GRIP1: variants seen among roughly 807,000 people sequenced by gnomAD.
GRIP1 encodes glutamate receptor interacting protein 1, also known as glutamate receptor-interacting protein 1.
A neutral mutation model predicts 129.9 loss-of-function variants in GRIP1; 45 were observed. The observed-to-expected ratio is 0.35, with a 90% CI of 0.27 to 0.44. The LOEUF (loss-of-function observed/expected upper bound fraction) is 0.44. GRIP1 is among the 20% of genes least tolerant of loss of function. The probability of loss-of-function intolerance (pLI) is 1.00; values close to 1 mark genes in which losing one functional copy is unlikely to be tolerated. For missense variants in GRIP1, 1,196 were observed against 1,396.8 expected, an observed-to-expected ratio of 0.86 and a Z score of 2.29; for synonymous variants, 530 against 520.8, an observed-to-expected ratio of 1.02 and a Z score of -0.24.
At chr12:66,452,324 T>C (rs2058831318) in intron 11 of GRIP1, among the ~76,000 whole-genome samples, 2 of 152,206 alleles carry the variant, frequency 1.3e-5, no homozygotes, top group South Asian at 2.1e-4. Flanking sequence ...CTCTATGACA[T>C]GGCTTGGCAA....
intron 23 of GRIP1, among the ~76,000 whole-genome samples, chr12:66,357,420 T>C (rs1336978563): frequency 6.6e-6 from 1 of 152,156 alleles, no homozygotes; most frequent in East Asian, 1.9e-4. Context: ...AGCTTTGAGG[T>C]GGGGACTGGG....
Position 66,465,365 on chromosome 12 carries a change from G to A in GRIP1, c.782C>T (p.Ala261Val), listed in dbSNP as rs2059258521. The A allele has an allele frequency of 1.2e-6, 2 of 1,613,656 alleles. No homozygotes were observed. Among genetic ancestry groups the A allele is most frequent in the Non-Finnish European group, 8.5e-7 (1 of 1,179,656 alleles). The change falls in exon 8 of 25, where the codon GCC (alanine) becomes GTC (valine). Residue 261 changes from alanine (A) to valine (V), a missense_variant. Coordinates refer to ENST00000359742, the MANE Select transcript of GRIP1 (RefSeq NM_001366722.1). ...LLVEVAKTPGASLGVALTTSM... is the reference protein window; with the variant it reads ...LLVEVAKTPGVSLGVALTTSM... ...GGTAGTTAGGGCAACCCCAAGGCTG[G>A]CACCAGGAGTTTTGGCAACTTCGAC... is the stretch of plus-strand genomic sequence containing the variant.
chr12:66,427,514 G>A (rs1056080201), intron 14 of GRIP1, among the ~76,000 whole-genome samples: 1 of 152,118 alleles, frequency 6.6e-6, no homozygotes, highest in African/African-American at 2.4e-5. Flanking sequence ...ATACAATACT[G>A]AGAACTTAAA....
intron 4 of GRIP1, among the ~76,000 whole-genome samples, chr12:66,533,762 T>C (rs1266142237): frequency 6.6e-6 from 1 of 152,166 alleles, no homozygotes; most frequent in Admixed American, 6.5e-5. Flanking sequence ...AGAGCTTATA[T>C]AGACCAATCA....
At chr12:67,007,670 A>G (rs778044636) in intron 1 of GRIP1, among the ~76,000 whole-genome samples, 1 of 152,182 alleles carries the variant, frequency 6.6e-6, no homozygotes, top group Non-Finnish European at 1.5e-5. Context: ...ATTATCAGTC[A>G]TATGTCACTT....
At chr12:66,579,990 T>G (rs2139598701) in intron 2 of GRIP1, among the ~76,000 whole-genome samples, 1 of 147,576 alleles carries the variant, frequency 6.8e-6, no homozygotes, top group East Asian at 2.0e-4. Flanking sequence ...GGAAAAAATG[T>G]TAAGGGCAGC....
rs972089925 is a variant in GRIP1 at position 66,823,095 on chromosome 12, G to T, written c.59-226168C>A. On this transcript the variant is annotated intron_variant, in intron 1 of 1. Transcript: ENST00000643019. ...TTAGTTCCAGCAAACCCTACTAACTGCATGACCTTGTGCAACTTAACCTCT... is the reference window on the plus strand; with the variant it reads ...TTAGTTCCAGCAAACCCTACTAACTTCATGACCTTGTGCAACTTAACCTCT... Among the ~76,000 whole-genome samples, 3 of 152,162 alleles carry T rather than the reference G, an allele frequency of 2.0e-5. No homozygotes were observed. In the East Asian group the frequency reaches 5.8e-4, roughly 29 times the overall value.
Position 67,041,304 on chromosome 12 carries a change from ATATT to A in GRIP1, c.58+27742_58+27745del, listed in dbSNP as rs542294628. Among the ~76,000 whole-genome samples, 66 of 152,206 alleles carry A rather than the reference ATATT, an allele frequency of 4.3e-4. No individual in the cohort carries two copies. The East Asian group carries it at 0.012, about 27-fold the overall frequency. ...TACACACACAAATATATATACACAT[ATATT>A]TATATATACACGTGTGTATGTGTGT... On this transcript the variant is annotated intron_variant, in intron 1 of 1. Coordinates refer to the GRIP1 transcript ENST00000643019.
chr12:66,637,519 T>C (rs536535038), intron 1 of GRIP1, among the ~76,000 whole-genome samples: 3 of 152,198 alleles, frequency 2.0e-5, no homozygotes, highest in African/African-American at 7.2e-5. Flanking sequence ...TTATTAATCT[T>C]GGTCCAGAAA....
intron 24 of GRIP1, among the ~76,000 whole-genome samples, chr12:66,351,625 C>T (rs1405866032): frequency 6.8e-6 from 1 of 147,482 alleles, no homozygotes; most frequent in Non-Finnish European, 1.5e-5. Context: ...GATCTCGGCT[C>T]ACTGCAACCT....
chr12:66,361,466 C>A (rs950212500), intron 23 of GRIP1, among the ~76,000 whole-genome samples: 1 of 152,238 alleles, frequency 6.6e-6, no homozygotes, highest in African/African-American at 2.4e-5. Flanking sequence ...GACTTAGGTG[C>A]TGCCTTTCTC....
chr12:66,984,709 T>C (rs764621484), intron 1 of GRIP1, among the ~76,000 whole-genome samples: 1 of 152,196 alleles, frequency 6.6e-6, no homozygotes, highest in Non-Finnish European at 1.5e-5. Context: ...CTAGATCCCA[T>C]GAACTTTGTT....
At chr12:66,563,121 T>C (rs1192518463) in intron 2 of GRIP1, among the ~76,000 whole-genome samples, 3 of 151,992 alleles carry the variant, frequency 2.0e-5, no homozygotes, top group African/African-American at 7.3e-5. Flanking sequence ...GTCAACTGCA[T>C]ATGTATGTGT....
intron 1 of GRIP1, among the ~76,000 whole-genome samples, chr12:66,729,617 A>C (rs1039310363): frequency 2.0e-5 from 3 of 152,162 alleles, no homozygotes; most frequent in African/African-American, 4.8e-5. Flanking sequence ...TCTGTTGCCC[A>C]GGCTGGAGTG....
intron 13 of GRIP1, among the ~76,000 whole-genome samples, chr12:66,442,332 A>G (rs950202182): frequency 6.6e-6 from 1 of 151,728 alleles, no homozygotes; most frequent in Non-Finnish European, 1.5e-5. Flanking sequence ...GGGTCTTTAC[A>G]TTGCCTACTC....
intron 1 of GRIP1, among the ~76,000 whole-genome samples, chr12:66,708,235 C>T (rs1001692213): frequency 6.6e-6 from 1 of 151,840 alleles, no homozygotes; most frequent in Admixed American, 6.6e-5. Flanking sequence ...GCTCATAATG[C>T]TTTTTTACAT....
chr12:66,608,958 A>AT (rs879336698), intron 1 of GRIP1, among the ~76,000 whole-genome samples: 4,969 of 111,680 alleles, frequency 0.044, 114 homozygotes, highest in Non-Finnish European at 0.073. Flanking sequence ...TATTATTATT[A>AT]TATTATATAT....
At chr12:67,012,614 A>C (rs528870746) in intron 1 of GRIP1, among the ~76,000 whole-genome samples, 1 of 152,324 alleles carries the variant, frequency 6.6e-6, no homozygotes, top group African/African-American at 2.4e-5. Flanking sequence ...TTCAAGTTTA[A>C]ATGGCATTAT....
intron 7 of GRIP1, among the ~76,000 whole-genome samples, chr12:66,505,104 G>A (rs1343832251): frequency 6.6e-6 from 1 of 152,136 alleles, no homozygotes. Flanking sequence ...ACTATGTTAT[G>A]TCATTTGGCA....
Sources: allele counts gnomAD v4.1 joint callset (sites outside exome capture counted in the v4.1 genomes callset), GRCh38; gene constraint gnomAD v4.1.1; transcripts MANE v1.5; gene names NCBI Gene and HGNC (gene_info 2026-07-23, HGNC 2026-07-21).